PRSS55: variants seen among roughly 807,000 people sequenced by gnomAD.
PRSS55 encodes the protein serine protease 55, also known as probable serine protease UNQ9391/PRO34284.
PRSS55 carries 41 observed loss-of-function variants against 23.6 expected under a neutral mutation model. The ratio of observed to expected loss-of-function variants is 1.74; its 90% CI spans 1.35 to 2.26. The LOEUF is 2.26. Ranked by LOEUF, PRSS55 falls within the 30% of genes most tolerant of loss-of-function variation. PRSS55 has a pLI of 0.00. For synonymous variants in PRSS55, 262 were observed against 175.5 expected, an observed-to-expected ratio of 1.49 and a Z score of -3.90; for missense variants, 669 against 439.1, an observed-to-expected ratio of 1.52 and a Z score of -4.68.
chr8:10,549,127 G>T (rs1674661579), intron 4 of PRSS55, among the ~76,000 whole-genome samples: 1 of 152,334 alleles, frequency 6.6e-6, no homozygotes, highest in Non-Finnish European at 1.5e-5. Flanking sequence ...CTGGTCTAGA[G>T]GGGGAGATGG....
intron 3 of PRSS55, among the ~76,000 whole-genome samples, chr8:10,532,581 T>A (rs28627954): frequency 0.015 from 2,272 of 152,312 alleles, 60 homozygotes; most frequent in African/African-American, 0.051. Flanking sequence ...AATGTATTGA[T>A]ATGGCAGGAT....
At chr8:10,530,546 G>C (rs1673575835) in intron 2 of PRSS55, among the ~76,000 whole-genome samples, 1 of 152,010 alleles carries the variant, frequency 6.6e-6, no homozygotes, top group South Asian at 2.1e-4. Flanking sequence ...CAGGTAGAAT[G>C]AATAGCCCTC....
At chr8:10,534,144 A>G (rs1026005926) in intron 4 of PRSS55, among the ~76,000 whole-genome samples, 17 of 152,274 alleles carry the variant, frequency 1.1e-4, no homozygotes, top group African/African-American at 2.4e-4. Context: ...ACAAAAAAAC[A>G]TGCACACAGA....
At chr8:10,548,686 G>A (rs1344432072) in intron 4 of PRSS55, among the ~76,000 whole-genome samples, 1 of 152,190 alleles carries the variant, frequency 6.6e-6, no homozygotes, top group Non-Finnish European at 1.5e-5. Flanking sequence ...AGAAGCCCAG[G>A]CACAAGGTGG....
At chr8:10,545,340 A>T (rs7846614) in intron 4 of PRSS55, 2 of 152,064 alleles carry the variant, frequency 1.3e-5, no homozygotes, top group African/African-American at 4.8e-5. Context: ...TGGGACCACA[A>T]GTGTGCACCA....
intron 3 of PRSS55, among the ~76,000 whole-genome samples, chr8:10,531,923 G>A (rs1399312582): frequency 6.6e-6 from 1 of 152,232 alleles, no homozygotes; most frequent in Non-Finnish European, 1.5e-5. Flanking sequence ...GCTAGGCTCT[G>A]ACGGTCCTGG....
In PRSS55 at chr8:10,538,533, G is replaced by C; in HGVS notation, c.799G>C (p.Val267Leu). 1.2e-6 allele frequency: 2 copies of C among 1,614,166 alleles called. No homozygotes were observed. Among genetic ancestry groups the C allele is most frequent in the Middle Eastern group, 1.7e-4 (1 of 6,046 alleles). The change falls in exon 5 of 5, where the codon GTG (valine) becomes CTG (leucine). Residue 267 changes from valine (V) to leucine (L), a missense_variant. Val to Leu is a conservative substitution (Grantham distance 32). Coordinates refer to ENST00000328655, the MANE Select transcript of PRSS55 (RefSeq NM_198464.4). Reference protein sequence around the residue: ...TPEPGEKWYQVGIISWGKSCG... With the variant: ...TPEPGEKWYQLGIISWGKSCG... ...AGAGCCTGGTGAGAAGTGGTACCAG[G>C]TGGGCATCATAAGCTGGGGAAAGAG... is the stretch of plus-strand genomic sequence containing the variant.
At chr8:10,529,465 A>C (rs1257356345) in intron 1 of PRSS55, 42 bp from the exon 2 acceptor site, 1 of 1,596,938 alleles carries the variant, frequency 6.3e-7, no homozygotes, top group South Asian at 1.1e-5. Flanking sequence ...ATGCTGACTA[A>C]GTGTTTCCCC....
rs149288627 is a variant in PRSS55 at position 10,529,562 on chromosome 8, G to T, written c.210G>T (p.Gly70=). Residue 70 remains glycine (G), a synonymous_variant, in exon 2 of 5, where the codon GGG becomes GGT. Coordinates refer to ENST00000328655, the MANE Select transcript of PRSS55 (RefSeq NM_198464.4). ...GAACTCGGTATTCCAGAATCACAGG[G>T]GGGATGGAGGCGGAGGTGGGTGAGT... ...EGRTRYSRIT[G]GMEAEVGEFP... 1 of 1,614,086 alleles carries T rather than the reference G, an allele frequency of 6.2e-7. No homozygotes were observed. Among genetic ancestry groups the T allele is most frequent in the Non-Finnish European group, 8.5e-7 (1 of 1,180,046 alleles).
intron 4 of PRSS55, among the ~76,000 whole-genome samples, chr8:10,537,812 G>T (rs1329003956): frequency 1.3e-5 from 2 of 152,132 alleles, no homozygotes; most frequent in Non-Finnish European, 2.9e-5. Flanking sequence ...CCCTCAGCAA[G>T]CCCTTTCTCC....
chr8:10,529,295 A>T (rs1812155935), intron 1 of PRSS55: 6 of 601,956 alleles, frequency 1.0e-5, no homozygotes, highest in Non-Finnish European at 1.8e-5. Context: ...TTCTGACTCT[A>T]TCTGTTGCTG....
downstream of PRSS55, chr8:10,540,284 C>T (rs1812612974): frequency 6.6e-6 from 1 of 152,282 alleles, no homozygotes; most frequent in Non-Finnish European, 1.5e-5. Flanking sequence ...TGCTTCTTTC[C>T]TCTGGATTCG....
At chr8:10,537,469 A>G (rs549358236) in intron 4 of PRSS55, among the ~76,000 whole-genome samples, 1 of 152,304 alleles carries the variant, frequency 6.6e-6, no homozygotes, top group South Asian at 2.1e-4. Context: ...GGAGGAAAGC[A>G]GGTGGGGACT....
intron 4 of PRSS55, among the ~76,000 whole-genome samples, chr8:10,548,920 G>T (rs1377767779): frequency 6.6e-6 from 1 of 151,892 alleles, no homozygotes; most frequent in Non-Finnish European, 1.5e-5. Context: ...TCAAAAGCAG[G>T]GGTCCGACTG....
chr8:10,545,427 G>A (rs1050729738), intron 4 of PRSS55, among the ~76,000 whole-genome samples: 2 of 152,144 alleles, frequency 1.3e-5, no homozygotes, highest in Non-Finnish European at 2.9e-5. Flanking sequence ...TATTATTACA[G>A]TCAACCACAT....
At chr8:10,544,093 T>C (rs547511094) in intron 4 of PRSS55, among the ~76,000 whole-genome samples, 66 of 152,288 alleles carry the variant, frequency 4.3e-4, no homozygotes, top group African/African-American at 1.5e-3. Context: ...TTCTGTATAG[T>C]TGTTCTATCC....
intron 4 of PRSS55, among the ~76,000 whole-genome samples, chr8:10,549,642 G>A (rs1037961025): frequency 2.0e-5 from 3 of 152,194 alleles, no homozygotes; most frequent in Non-Finnish European, 4.4e-5. Context: ...CTGTTCAGTG[G>A]CCATGTTAGG....
chr8:10,547,107 C>T (rs1812836595), intron 4 of PRSS55, among the ~76,000 whole-genome samples: 1 of 152,172 alleles, frequency 6.6e-6, no homozygotes, highest in Non-Finnish European at 1.5e-5. Flanking sequence ...CATGACATCC[C>T]CAAACCACAC....
intron 4 of PRSS55, among the ~76,000 whole-genome samples, chr8:10,551,071 G>A (rs936441061): frequency 2.0e-5 from 3 of 152,178 alleles, no homozygotes; most frequent in Non-Finnish European, 2.9e-5. Flanking sequence ...TACTCAGAAG[G>A]TCCTGCAAGT....
Sources: gnomAD v4.1 joint callset for allele counts (sites outside exome capture counted in the v4.1 genomes callset) on GRCh38, gnomAD v4.1.1 for gene constraint, MANE v1.5 for transcripts, NCBI Gene and HGNC (gene_info 2026-07-23, HGNC 2026-07-21) for gene names.